Variants in METTL15 observed in about 807,000 individuals in gnomAD.
METTL15 encodes 12S rRNA N(4)-cytidine methyltransferase METTL15.
METTL15 carries 34 observed loss-of-function variants against 38.3 expected under a neutral mutation model. That is an observed-to-expected ratio of 0.89 (90% CI 0.68 to 1.18). The LOEUF is 1.18. Ranked by LOEUF, METTL15 falls within the 50% of genes most tolerant of loss-of-function variation. The probability of loss-of-function intolerance (pLI) is 0.00; values close to 1 mark genes in which losing one functional copy is unlikely to be tolerated. For missense variants in METTL15, 438 were observed against 498.4 expected (o/e 0.88, Z 1.15); for synonymous variants, 162 against 170.9 (o/e 0.95, Z 0.41).
intron 3 of METTL15, among the ~76,000 whole-genome samples, chr11:28,190,517 G>T (rs1224911664): frequency 2.6e-5 from 4 of 151,002 alleles, no homozygotes; most frequent in Non-Finnish European, 5.9e-5. Flanking sequence ...AATTATTTTA[G>T]AATTACAAAT....
intron 3 of METTL15, among the ~76,000 whole-genome samples, chr11:28,184,761 C>G (rs1327453285): frequency 6.6e-6 from 1 of 151,264 alleles, no homozygotes; most frequent in African/African-American, 2.4e-5. Context: ...CATATCTGTT[C>G]TTATGCGAAA....
chr11:28,235,310 C>A (rs372893620), intron 4 of METTL15, among the ~76,000 whole-genome samples: 3 of 151,854 alleles, frequency 2.0e-5, no homozygotes, highest in Non-Finnish European at 2.9e-5. Context: ...ATTCCATATG[C>A]ACTTTAAAGT....
At chr11:28,486,581 G>A (rs962843958) in intron 6 of METTL15, among the ~76,000 whole-genome samples, 10 of 152,156 alleles carry the variant, frequency 6.6e-5, no homozygotes, top group African/African-American at 1.7e-4. Flanking sequence ...TAAAGCCTGC[G>A]CCTCTCTAGT....
At chr11:28,222,525 C>G (rs972830228) in intron 4 of METTL15, among the ~76,000 whole-genome samples, 5 of 152,148 alleles carry the variant, frequency 3.3e-5, no homozygotes, top group Non-Finnish European at 7.4e-5. Flanking sequence ...CCTCGCCCTG[C>G]TTTGGCTCAC....
intron 5 of METTL15, among the ~76,000 whole-genome samples, chr11:28,379,371 C>T (rs1043437655): frequency 2.6e-5 from 4 of 152,026 alleles, no homozygotes; most frequent in Non-Finnish European, 5.9e-5. Context: ...CTTAGTACAT[C>T]ATTTGCTGTA....
At chr11:28,225,263 A>G (rs555970435) in intron 4 of METTL15, among the ~76,000 whole-genome samples, 2 of 151,854 alleles carry the variant, frequency 1.3e-5, no homozygotes, top group South Asian at 4.1e-4. Context: ...AATTTATTTC[A>G]ATGGGCCTAC....
At chr11:28,471,877 C>G (rs990441833) in intron 6 of METTL15, among the ~76,000 whole-genome samples, 1 of 151,940 alleles carries the variant, frequency 6.6e-6, no homozygotes, top group East Asian at 1.9e-4. Flanking sequence ...AGACATCATT[C>G]TCTGTGGGGG....
At chr11:28,180,143 G>A (rs967850692) in intron 3 of METTL15, among the ~76,000 whole-genome samples, 1 of 151,806 alleles carries the variant, frequency 6.6e-6, no homozygotes, top group Non-Finnish European at 1.5e-5. Context: ...TGAGTACTAT[G>A]GTAGACCATA....
intron 5 of METTL15, among the ~76,000 whole-genome samples, chr11:28,380,666 G>C (rs1435639038): frequency 2.6e-5 from 4 of 151,978 alleles, no homozygotes; most frequent in Admixed American, 6.6e-5. Flanking sequence ...CATTGTAATT[G>C]TGATCAGGCT....
chr11:28,215,186 G>C (rs1852810346), intron 4 of METTL15, among the ~76,000 whole-genome samples: 1 of 152,134 alleles, frequency 6.6e-6, no homozygotes. Flanking sequence ...ATTCCTTTTT[G>C]CTGGGTGTGA....
chr11:28,113,943 A>G (rs545375960), intron 3 of METTL15, among the ~76,000 whole-genome samples: 9 of 152,290 alleles, frequency 5.9e-5, no homozygotes, highest in African/African-American at 2.2e-4. Flanking sequence ...CTAAGCTATG[A>G]TGTTCGGTAG....
chr11:28,121,206 T>G (rs1852219066), intron 3 of METTL15, among the ~76,000 whole-genome samples: 1 of 152,196 alleles, frequency 6.6e-6, no homozygotes, highest in Non-Finnish European at 1.5e-5. Flanking sequence ...TTGTTATTGA[T>G]TGGAAACTTA....
intron 6 of METTL15, among the ~76,000 whole-genome samples, chr11:28,425,891 A>G (rs1362144632): frequency 1.3e-5 from 2 of 152,172 alleles, no homozygotes; most frequent in Non-Finnish European, 2.9e-5. Context: ...AACTATTTGA[A>G]TCTGTATTCC....
At chr11:28,212,174 A>G (rs1287634501) in intron 4 of METTL15, among the ~76,000 whole-genome samples, 1 of 152,030 alleles carries the variant, frequency 6.6e-6, no homozygotes, top group African/African-American at 2.4e-5. Flanking sequence ...TGCAAATCTA[A>G]TGAATGTGAT....
At chr11:28,260,487 G>C (rs1855157993) in intron 4 of METTL15, among the ~76,000 whole-genome samples, 1 of 152,090 alleles carries the variant, frequency 6.6e-6, no homozygotes, top group South Asian at 2.1e-4. Flanking sequence ...AATTGCAGCT[G>C]TCAGGGAGAA....
intron 1 of METTL15, among the ~76,000 whole-genome samples, chr11:28,109,715 G>A (rs1283222563): frequency 6.6e-6 from 1 of 152,176 alleles, no homozygotes; most frequent in African/African-American, 2.4e-5. Context: ...TTTAAAGTTT[G>A]TCTTTTTTGA....
At chr11:28,453,986 T>C (rs539173541) in intron 6 of METTL15, among the ~76,000 whole-genome samples, 7 of 152,374 alleles carry the variant, frequency 4.6e-5, no homozygotes, top group African/African-American at 1.4e-4. Flanking sequence ...TGAGAATACC[T>C]AGACTTTTCT....
intron 3 of METTL15, among the ~76,000 whole-genome samples, chr11:28,119,897 A>G (rs1461037944): frequency 3.9e-5 from 6 of 152,186 alleles, no homozygotes; most frequent in African/African-American, 1.4e-4. Context: ...CCAAATTGTT[A>G]AAGAGAAACT....
intron 3 of METTL15, among the ~76,000 whole-genome samples, chr11:28,162,024 G>A (rs1850483755): frequency 6.6e-6 from 1 of 152,042 alleles, no homozygotes; most frequent in Admixed American, 6.6e-5. Context: ...TATATACCGG[G>A]CACTGTTCCT....
Sources: gnomAD v4.1 joint callset for allele counts (sites outside exome capture counted in the v4.1 genomes callset) on GRCh38, gnomAD v4.1.1 for gene constraint, MANE v1.5 for transcripts, NCBI Gene and HGNC (gene_info 2026-07-23, HGNC 2026-07-21) for gene names.